Variants in CYP7B1 observed in about 807,000 individuals in gnomAD.
CYP7B1 encodes the protein cytochrome P450 family 7 subfamily B member 1.
In CYP7B1, 29 loss-of-function variants were observed where a neutral mutation model predicts 42.7. The observed-to-expected ratio is 0.68, with a 90% CI of 0.51 to 0.93. CYP7B1 has a LOEUF of 0.93. Among genes scored for constraint, CYP7B1 ranks in the 40% least tolerant of loss-of-function variants. CYP7B1 has a pLI of 0.00. For missense variants in CYP7B1, 655 were observed against 600.5 expected (o/e 1.09, Z -0.95); for synonymous variants, 235 against 218.2 (o/e 1.08, Z -0.68).
At chr8:64,693,465 C>G (rs1227525671) in intron 1 of CYP7B1, among the ~76,000 whole-genome samples, 2 of 152,214 alleles carry the variant, frequency 1.3e-5, no homozygotes, top group Non-Finnish European at 2.9e-5. Context: ...TACCATACCT[C>G]TGCTTCACAA....
rs1805107086 is a variant in CYP7B1, at chr8:64,595,694, T to C, written c.*948A>G. ...GAAATTACACTGCATTACATGATGTTGTAATTCAAAATAGAACACATGAAC... is the reference window on the plus strand; with the variant it reads ...GAAATTACACTGCATTACATGATGTCGTAATTCAAAATAGAACACATGAAC... On this transcript the variant is annotated 3_prime_UTR_variant, in exon 6 of 6. Coordinates refer to ENST00000310193, the MANE Select transcript of CYP7B1 (RefSeq NM_004820.5). 6.6e-6 allele frequency among the ~76,000 whole-genome samples: 1 copy of C among 152,244 alleles called. No individual in the cohort carries two copies. Among genetic ancestry groups the C allele is most frequent in the Non-Finnish European group, 1.5e-5 (1 of 68,046 alleles).
chr8:64,764,229 G>GCCTCC (rs1807936050), intron 1 of CYP7B1, among the ~76,000 whole-genome samples: 1 of 125,150 alleles, frequency 8.0e-6, no homozygotes, highest in Non-Finnish European at 1.7e-5. Context: ...CTTCCACGCT[G>GCCTCC]CCCCCCCCAC....
chr8:64,733,294 G>A (rs1040892479), intron 1 of CYP7B1, among the ~76,000 whole-genome samples: 9 of 152,128 alleles, frequency 5.9e-5, no homozygotes, highest in Admixed American at 3.3e-4. Context: ...GATCTGATGC[G>A]CTAGAGACTA....
rs185519064 is a variant in CYP7B1, at chr8:64,596,036, A to G, written c.*606T>C. 8.7e-5 allele frequency: 14 copies of G among 161,334 alleles called. No homozygotes were observed. The Admixed American group carries it at 8.9e-4, about 10-fold the overall frequency. The allele number at this position is 161,334 out of a possible 1,614,324, so 10.0% of individuals were successfully genotyped here. A position where few individuals can be genotyped will look rare whatever the true frequency, so the allele number is the denominator to read the frequency against. On this transcript the variant is annotated 3_prime_UTR_variant, in exon 6 of 6. Coordinates refer to ENST00000310193, the MANE Select transcript of CYP7B1 (RefSeq NM_004820.5). ...ATTTTGTTCTATTGAGCCATAGTAT[A>G]CAAAGTAATAAGGAACATTTATGCA...
chr8:64,666,778 A>C (rs1806286348), intron 1 of CYP7B1, among the ~76,000 whole-genome samples: 1 of 152,222 alleles, frequency 6.6e-6, no homozygotes, highest in African/African-American at 2.4e-5. Context: ...GGTTTGCTAT[A>C]GTCGTTACCT....
At chr8:64,692,429 A>C (rs74600830) in intron 1 of CYP7B1, among the ~76,000 whole-genome samples, 3,255 of 152,306 alleles carry the variant, frequency 0.021, 117 homozygotes, top group African/African-American at 0.074. Flanking sequence ...GCCCGGTCTG[A>C]GAGTGCTTCC....
chr8:64,677,397 G>A (rs1806462533), intron 1 of CYP7B1, among the ~76,000 whole-genome samples: 1 of 99,326 alleles, frequency 1.0e-5, no homozygotes, highest in Admixed American at 1.4e-4. Flanking sequence ...GTTCTTACAG[G>A]AAAAGCCCAG....
chr8:64,791,439 C>G (rs1471423499), intron 1 of CYP7B1, among the ~76,000 whole-genome samples: 1 of 151,996 alleles, frequency 6.6e-6, no homozygotes, highest in South Asian at 2.1e-4. Flanking sequence ...AGCACGGGCC[C>G]GAGGTAATCA....
At chr8:64,757,966 G>T (rs935039987) in intron 1 of CYP7B1, among the ~76,000 whole-genome samples, 1 of 152,058 alleles carries the variant, frequency 6.6e-6, no homozygotes, top group African/African-American at 2.4e-5. Context: ...TACAAGTAGG[G>T]GCCATCTCCA....
At chr8:64,620,518 A>C (rs1805513714) in intron 2 of CYP7B1, among the ~76,000 whole-genome samples, 1 of 152,246 alleles carries the variant, frequency 6.6e-6, no homozygotes, top group Non-Finnish European at 1.5e-5. Context: ...ATGGTTTCTC[A>C]TGAAAAGATG....
rs1285033250 is a variant in CYP7B1, at chr8:64,615,192, A to T, written c.891T>A (p.Thr297=). ...LGFLWASVAN[T]IPTMFWAMYY... is the part of the protein sequence containing the mutation. ...ACATTGCCCAGAACATAGTTGGAATAGTGTTTGCCACAGAGGCCCAGAGAA... is the reference window on the plus strand; with the variant it reads ...ACATTGCCCAGAACATAGTTGGAATTGTGTTTGCCACAGAGGCCCAGAGAA... The change falls in exon 4 of 6, where the codon ACT becomes ACA. Residue 297 remains threonine (T), a synonymous_variant. Transcript: ENST00000310193. 11 of 1,613,494 alleles carry T rather than the reference A, an allele frequency of 6.8e-6. No homozygotes were observed. Among genetic ancestry groups the T allele is most frequent in the Non-Finnish European group, 9.3e-6 (11 of 1,179,660 alleles).
intron 1 of CYP7B1, among the ~76,000 whole-genome samples, chr8:64,643,202 C>CACACAT (rs1805894812): frequency 9.8e-6 from 1 of 101,982 alleles, no homozygotes; most frequent in Admixed American, 1.1e-4. Context: ...TACACACACA[C>CACACAT]ACACACACAC....
At chr8:64,643,458 T>G (rs1049106439) in intron 1 of CYP7B1, among the ~76,000 whole-genome samples, 1 of 152,206 alleles carries the variant, frequency 6.6e-6, no homozygotes, top group African/African-American at 2.4e-5. Flanking sequence ...TCTGTGCCTT[T>G]GGCAAGTCAC....
chr8:64,700,190 C>G (rs1460897679), intron 1 of CYP7B1, among the ~76,000 whole-genome samples: 4 of 152,092 alleles, frequency 2.6e-5, no homozygotes, highest in Non-Finnish European at 5.9e-5. Context: ...CAAACATGAG[C>G]AACTTCCACA....
intron 1 of CYP7B1, among the ~76,000 whole-genome samples, chr8:64,653,081 C>G (rs2129631245): frequency 6.6e-6 from 1 of 152,174 alleles, no homozygotes; most frequent in East Asian, 1.9e-4. Context: ...AACATCACAA[C>G]TGAAAGAATT....
At chr8:64,782,437 G>A (rs1444806400) in intron 1 of CYP7B1, among the ~76,000 whole-genome samples, 1 of 152,098 alleles carries the variant, frequency 6.6e-6, no homozygotes, top group Non-Finnish European at 1.5e-5. Flanking sequence ...TGAGGAATGG[G>A]CCTTCATCAG....
Position 64,594,021 on chromosome 8 carries a change from A to C in CYP7B1, c.*2621T>G, listed in dbSNP as rs1805078275. Among the ~76,000 whole-genome samples the C allele has an allele frequency of 6.6e-6, 1 of 151,952 alleles. No individual in the cohort carries two copies. Among genetic ancestry groups the C allele is most frequent in the Admixed American group, 6.6e-5 (1 of 15,260 alleles). ...CAACCTTGGAGACCCTACAGAATGGAGAGGATTGGATGGATCTGAGGATGG... is the reference window on the plus strand; with the variant it reads ...CAACCTTGGAGACCCTACAGAATGGCGAGGATTGGATGGATCTGAGGATGG... On this transcript the variant is annotated 3_prime_UTR_variant, in exon 6 of 6. Coordinates refer to ENST00000310193, the MANE Select transcript of CYP7B1 (RefSeq NM_004820.5).
intron 4 of CYP7B1, among the ~76,000 whole-genome samples, chr8:64,610,437 C>T (rs1206895712): frequency 2.0e-5 from 3 of 152,130 alleles, no homozygotes; most frequent in Non-Finnish European, 4.4e-5. Flanking sequence ...AACTTCACTA[C>T]TGTCTGAATT....
chr8:64,735,385 G>A (rs1231284630), intron 1 of CYP7B1, among the ~76,000 whole-genome samples: 1 of 152,068 alleles, frequency 6.6e-6, no homozygotes, highest in East Asian at 1.9e-4. Context: ...ATTTCTAAGG[G>A]TGTCTCCACT....
Sources: gnomAD v4.1 joint callset for allele counts (sites outside exome capture counted in the v4.1 genomes callset) on GRCh38, gnomAD v4.1.1 for gene constraint, MANE v1.5 for transcripts, NCBI Gene and HGNC (gene_info 2026-07-23, HGNC 2026-07-21) for gene names.